Variants in ZNF804B observed in about 807,000 individuals in gnomAD.
ZNF804B encodes zinc finger 804B.
In ZNF804B, 80 loss-of-function variants were observed where a neutral mutation model predicts 101.4. That is an observed-to-expected ratio of 0.79 (90% CI 0.66 to 0.95). ZNF804B has a LOEUF of 0.95. Among genes scored for constraint, ZNF804B ranks in the 40% least tolerant of loss-of-function variants. The pLI is 0.00. For missense variants in ZNF804B, 1,673 were observed against 1,561.9 expected, an observed-to-expected ratio of 1.07 and a Z score of -1.20; for synonymous variants, 622 against 558.8, an observed-to-expected ratio of 1.11 and a Z score of -1.59.
intron 1 of ZNF804B, among the ~76,000 whole-genome samples, chr7:88,888,516 T>A (rs1302058367): frequency 6.6e-6 from 1 of 152,184 alleles, no homozygotes; most frequent in African/African-American, 2.4e-5. Context: ...GTATCCATAA[T>A]TTAGCTCTGA....
intron 1 of ZNF804B, among the ~76,000 whole-genome samples, chr7:89,074,300 T>C (rs1244744376): frequency 6.6e-6 from 1 of 152,212 alleles, no homozygotes; most frequent in African/African-American, 2.4e-5. Context: ...ATAATATAGT[T>C]TGGCTGTGCC....
At chr7:89,242,153 G>A (rs73399109) in intron 2 of ZNF804B, among the ~76,000 whole-genome samples, 7,196 of 151,836 alleles carry the variant, frequency 0.047, 548 homozygotes, top group African/African-American at 0.16. Context: ...AATTGATGAG[G>A]CTGGGTTATT....
chr7:89,336,339 CAG>C lies in ZNF804B; in HGVS notation c.3359_3360del (p.Arg1120AsnfsTer6). On this transcript the variant is annotated frameshift_variant, in exon 4 of 4. Transcript: ENST00000333190. LOFTEE classifies it high-confidence loss of function. ...VEGNINSYYD[R>X]TMQKPDKVED... ...AGGGAAATATAAACTCTTACTATGA[CAG>C]AACTATGCAGAAACCTGACAAAGTC... 1 of 1,613,918 alleles carries C rather than the reference CAG, an allele frequency of 6.2e-7. No individual in the cohort carries two copies. Among genetic ancestry groups the C allele is most frequent in the Non-Finnish European group, 8.5e-7 (1 of 1,179,986 alleles).
At chr7:89,088,520 G>A (rs1789839371) in intron 1 of ZNF804B, among the ~76,000 whole-genome samples, 1 of 150,826 alleles carries the variant, frequency 6.6e-6, no homozygotes, top group African/African-American at 2.4e-5. Flanking sequence ...TATGAGTAAA[G>A]GCCCCATGTA....
intron 1 of ZNF804B, among the ~76,000 whole-genome samples, chr7:88,873,156 G>A (rs1791865831): frequency 2.0e-5 from 3 of 152,056 alleles, no homozygotes; most frequent in South Asian, 4.2e-4. Flanking sequence ...TTTAATGATT[G>A]CCATTCTAAC....
intron 2 of ZNF804B, among the ~76,000 whole-genome samples, chr7:89,279,792 A>G (rs1371533405): frequency 3.3e-5 from 5 of 152,018 alleles, no homozygotes; most frequent in East Asian, 3.9e-4. Context: ...ATGTTCATCA[A>G]GGATATTGGT....
intron 1 of ZNF804B, among the ~76,000 whole-genome samples, chr7:88,871,410 G>A (rs1356240034): frequency 6.6e-6 from 1 of 151,672 alleles, no homozygotes; most frequent in Non-Finnish European, 1.5e-5. Context: ...AAAAAAAAAG[G>A]CACTACAAAA....
intron 1 of ZNF804B, among the ~76,000 whole-genome samples, chr7:89,207,971 A>G (rs971736272): frequency 1.3e-5 from 2 of 151,478 alleles, no homozygotes; most frequent in African/African-American, 4.9e-5. Flanking sequence ...GTGAGCGCTG[A>G]TATGTTCTGT....
chr7:88,927,961 C>A (rs1224411340), intron 1 of ZNF804B, among the ~76,000 whole-genome samples: 2 of 152,048 alleles, frequency 1.3e-5, no homozygotes, highest in Non-Finnish European at 2.9e-5. Flanking sequence ...CCCAGTTTAT[C>A]CATGAGTCTA....
At chr7:88,948,603 GC>G (rs1184544973) in intron 1 of ZNF804B, among the ~76,000 whole-genome samples, 1 of 151,808 alleles carries the variant, frequency 6.6e-6, no homozygotes, top group African/African-American at 2.4e-5. Flanking sequence ...CCACCAGCCT[GC>G]TCCTGCTGTC....
chr7:89,220,160 T>C (rs375470123), intron 2 of ZNF804B, among the ~76,000 whole-genome samples: 2,136 of 54,056 alleles, frequency 0.04, 387 homozygotes, highest in African/African-American at 0.064. Flanking sequence ...CATATATATA[T>C]ACGCACATAT....
At chr7:89,190,038 G>T (rs994871959) in intron 1 of ZNF804B, among the ~76,000 whole-genome samples, 1 of 152,086 alleles carries the variant, frequency 6.6e-6, no homozygotes, top group Non-Finnish European at 1.5e-5. Flanking sequence ...AATATTAACA[G>T]AAGTTTAAAT....
At chr7:89,154,761 T>G (rs938055910) in intron 1 of ZNF804B, among the ~76,000 whole-genome samples, 1 of 152,056 alleles carries the variant, frequency 6.6e-6, no homozygotes, top group African/African-American at 2.4e-5. Flanking sequence ...GGTTAATGTG[T>G]ACCAAACAAA....
chr7:89,234,625 G>A (rs909066795), intron 2 of ZNF804B, among the ~76,000 whole-genome samples: 3 of 152,092 alleles, frequency 2.0e-5, no homozygotes, highest in African/African-American at 7.2e-5. Context: ...AGATGAAAGC[G>A]AGGGGTTTCT....
At position 89,134,087 on chromosome 7, in the gene ZNF804B, C is replaced by T. The variant is rs1790593803; in HGVS notation, c.109-84068C>T. Among the ~76,000 whole-genome samples the T allele has an allele frequency of 2.0e-5, 3 of 151,678 alleles. No individual in the cohort carries two copies. The East Asian group carries it at 5.8e-4, about 29-fold the overall frequency. On this transcript the variant is annotated intron_variant, in intron 1 of 3. Transcript: ENST00000333190. ...GATTAGTCACCCAATTTAAGAAAAA[C>T]AAAAAAAGAACACTGTCCCCAACAA... is the stretch of plus-strand genomic sequence containing the variant.
rs578024323 is a variant in ZNF804B at position 89,229,610 on chromosome 7, T to C, written c.249+11315T>C. Reference sequence around the variant, plus strand: ...AAAGAGAAACAGATGAATCCACTATTTTACTTGGAGATACCAATACCTGTT... The same window carrying C: ...AAAGAGAAACAGATGAATCCACTATCTTACTTGGAGATACCAATACCTGTT... On this transcript the variant is annotated intron_variant, in intron 2 of 3. Coordinates refer to ENST00000333190, the MANE Select transcript of ZNF804B (RefSeq NM_181646.5). 2.0e-5 allele frequency among the ~76,000 whole-genome samples: 3 copies of C among 152,300 alleles called. No individual in the cohort carries two copies. In the East Asian group the frequency reaches 5.8e-4, roughly 29 times the overall value.
chr7:89,188,143 G>A (rs1398946658), intron 1 of ZNF804B, among the ~76,000 whole-genome samples: 1 of 151,676 alleles, frequency 6.6e-6, no homozygotes, highest in African/African-American at 2.4e-5. Flanking sequence ...CCATTCTCCC[G>A]ACAGCCTGTG....
intron 1 of ZNF804B, among the ~76,000 whole-genome samples, chr7:89,062,417 TCCA>T (rs1789394727): frequency 6.6e-6 from 1 of 152,098 alleles, no homozygotes; most frequent in African/African-American, 2.4e-5. Context: ...CTACCCAGCC[TCCA>T]CCTCAAAAAG....
intron 1 of ZNF804B, among the ~76,000 whole-genome samples, chr7:89,093,681 A>C (rs1789928414): frequency 6.6e-6 from 1 of 152,224 alleles, no homozygotes; most frequent in African/African-American, 2.4e-5. Flanking sequence ...GGCCAAGAAA[A>C]CGTTCAATCT....
Sources: allele counts gnomAD v4.1 joint callset (sites outside exome capture counted in the v4.1 genomes callset), GRCh38; gene constraint gnomAD v4.1.1; transcripts MANE v1.5; gene names NCBI Gene and HGNC (gene_info 2026-07-23, HGNC 2026-07-21).